The following FAM227A variants were observed in gnomAD, a reference collection of about 807,000 sequenced individuals.
The protein encoded by FAM227A is family with sequence similarity 227 member A, also known as protein FAM227A.
FAM227A carries 80 observed loss-of-function variants against 74.7 expected under a neutral mutation model. The observed-to-expected ratio is 1.07, with a 90% confidence interval of 0.89 to 1.29. The LOEUF is 1.29. Ranked by LOEUF, FAM227A falls within the 50% of genes most tolerant of loss-of-function variation. FAM227A has a pLI of 0.00. For missense variants in FAM227A, 654 were observed against 683.4 expected (o/e 0.96, Z 0.48); for synonymous variants, 237 against 241.8 (o/e 0.98, Z 0.19).
At chr22:38,631,610 T>G (rs1342618640) in intron 6 of FAM227A, among the ~76,000 whole-genome samples, 2 of 152,082 alleles carry the variant, frequency 1.3e-5, no homozygotes, top group Non-Finnish European at 2.9e-5. Context: ...GGAAAGCGTG[T>G]GCAGAGGCTA....
chr22:38,628,911 C>T lies in FAM227A; in HGVS notation c.544G>A (p.Glu182Lys), dbSNP rs377594597. The change falls in exon 7 of 17, where the codon GAG (glutamate) becomes AAG (lysine). Residue 182 changes from glutamate (E) to lysine (K), a missense_variant. Physicochemically the swap from Glu to Lys is moderately conservative, Grantham distance 56 (BLOSUM62 1). Transcript: ENST00000535113. ...GGAGAAGAAGAAGAGAGAAACTTCT[C>T]TAATTCTCTACCTGAACAGAAATGC... Reference protein sequence around the residue: ...GKHFCSGRELEKFLSSSSPRA... With the variant: ...GKHFCSGRELKKFLSSSSPRA... The T allele has an allele frequency of 3.9e-6, 6 of 1,538,352 alleles. No homozygotes were observed. Among genetic ancestry groups the T allele is most frequent in the African/African-American group, 1.4e-5 (1 of 72,390 alleles).
Position 38,621,925 on chromosome 22 carries a change from C to A in FAM227A, c.958+1247G>T, listed in dbSNP as rs554221458. Reference sequence around the variant, plus strand: ...TTGCCTTACCCCTCTGAATCCCCCCCACTGCAGTGCCCAATCCCCTGCAGG... The same window carrying A: ...TTGCCTTACCCCTCTGAATCCCCCCAACTGCAGTGCCCAATCCCCTGCAGG... On this transcript the variant is annotated intron_variant, in intron 10 of 16. Transcript: ENST00000535113. Among the ~76,000 whole-genome samples the A allele has an allele frequency of 5.5e-3, 840 of 152,268 alleles. 8 individuals carry two copies. The highest frequency in any genetic ancestry group is 6.6e-3 in the Non-Finnish European group (446 of 68,020).
rs189184789 is a variant in FAM227A, at chr22:38,645,422, A to G, written c.225+141T>C. The G allele has an allele frequency of 3.2e-3, 1,963 of 604,900 alleles. 4 individuals are homozygous for G. The highest frequency in any genetic ancestry group is 4.4e-3 in the Non-Finnish European group (1,518 of 344,788). 37.5% of individuals were successfully genotyped at this position (604,900 alleles called of 1,614,324 possible). ...AATAAAAAATGTTTATTAATTTTTA[A>G]AAAAATTAACTTTGAATACTCAATT... On this transcript the variant is annotated intron_variant, in intron 3 of 16. Transcript: ENST00000535113.
chr22:38,610,109 C>G (rs896420406), intron 11 of FAM227A, among the ~76,000 whole-genome samples: 1 of 151,138 alleles, frequency 6.6e-6, no homozygotes, highest in Non-Finnish European at 1.5e-5. Flanking sequence ...TGTCTTTACT[C>G]TGTCACCCAG....
At chr22:38,623,587 T>C (rs2091737400) in intron 9 of FAM227A, among the ~76,000 whole-genome samples, 1 of 152,186 alleles carries the variant, frequency 6.6e-6, no homozygotes, top group South Asian at 2.1e-4. Context: ...GGCTTCTTCA[T>C]CTGAAAAACG....
intron 11 of FAM227A, among the ~76,000 whole-genome samples, chr22:38,615,568 C>G (rs1278701555): frequency 6.6e-6 from 1 of 152,150 alleles, no homozygotes; most frequent in Admixed American, 6.5e-5. Context: ...AAGGCCCAAC[C>G]AGGCATAGAC....
At chr22:38,616,138 G>C (rs1053018200) in intron 11 of FAM227A, among the ~76,000 whole-genome samples, 1 of 152,218 alleles carries the variant, frequency 6.6e-6, no homozygotes, top group African/African-American at 2.4e-5. Context: ...AAGATGGAGA[G>C]GGGTCAGCCA....
At chr22:38,635,962 G>A (rs1363943163) in intron 6 of FAM227A, among the ~76,000 whole-genome samples, 1 of 151,438 alleles carries the variant, frequency 6.6e-6, no homozygotes, top group East Asian at 1.9e-4. Flanking sequence ...CTGCATTCCA[G>A]CCTGGGTACA....
At chr22:38,641,564 AAAAAC>A (rs1257719574) in intron 3 of FAM227A, among the ~76,000 whole-genome samples, 2 of 151,356 alleles carry the variant, frequency 1.3e-5, no homozygotes, top group East Asian at 1.9e-4. Flanking sequence ...AAAAAAAAAA[AAAAAC>A]AAAACAAAGA....
At chr22:38,626,891 A>AAAAAAAATAT (rs1555966996) in intron 8 of FAM227A, among the ~76,000 whole-genome samples, 7 of 57,684 alleles carry the variant, frequency 1.2e-4, no homozygotes, top group African/African-American at 5.2e-4. Context: ...AAAAAAAAAA[A>AAAAAAAATAT]ATATATATAT....
intron 11 of FAM227A, among the ~76,000 whole-genome samples, chr22:38,613,258 T>C (rs1256230754): frequency 4.2e-5 from 3 of 71,576 alleles, no homozygotes; most frequent in South Asian, 6.3e-4. Flanking sequence ...ATATAACATA[T>C]ATTATAACAT....
chr22:38,611,742 C>T, intron 11 of FAM227A, among the ~76,000 whole-genome samples: 1 of 152,174 alleles, frequency 6.6e-6, no homozygotes, highest in East Asian at 1.9e-4. Context: ...TCGTGCACTC[C>T]TAGTTCCCAT....
At chr22:38,641,596 C>G (rs997527386) in intron 3 of FAM227A, among the ~76,000 whole-genome samples, 9 of 151,014 alleles carry the variant, frequency 6.0e-5, no homozygotes, top group Non-Finnish European at 1.0e-4. Context: ...AACCTGCAGG[C>G]GAACTTGCCT....
chr22:38,632,440 A>G (rs775799220), intron 6 of FAM227A, among the ~76,000 whole-genome samples: 1 of 152,154 alleles, frequency 6.6e-6, no homozygotes, highest in Non-Finnish European at 1.5e-5. Context: ...CCTCTCTTCC[A>G]TCTTCTACCA....
intron 3 of FAM227A, among the ~76,000 whole-genome samples, chr22:38,641,258 C>T (rs1244171751): frequency 2.6e-5 from 4 of 152,174 alleles, no homozygotes; most frequent in Admixed American, 1.3e-4. Context: ...AGGAAGGCAA[C>T]TCCCAAACCG....
At chr22:38,588,332 AT>A (rs2090851867) in intron 16 of FAM227A, among the ~76,000 whole-genome samples, 1 of 152,096 alleles carries the variant, frequency 6.6e-6, no homozygotes, top group Non-Finnish European at 1.5e-5. Context: ...CTACAAAGAA[AT>A]TTTAGCCAGG....
rs34383650 is a variant in FAM227A at position 38,654,775 on chromosome 22, CAA to C, written c.-95+1343_-95+1344del. ...GAAACCCCATCTCTACTAAAAATAC[CAA>C]AAAAAAAAAAAAAAAAAAAAATTAG... On this transcript the variant is annotated intron_variant, in intron 1 of 16. Transcript: ENST00000535113. Among the ~76,000 whole-genome samples, 432 of 84,936 alleles carry C rather than the reference CAA, an allele frequency of 5.1e-3. 2 individuals carry two copies. The highest frequency in any genetic ancestry group is 0.017 in the African/African-American group (365 of 21,792). 55.7% of individuals were successfully genotyped at this position (84,936 alleles called of 152,430 possible). A position where few individuals can be genotyped will look rare whatever the true frequency, so the allele number is the denominator to read the frequency against.
chr22:38,613,093 TATTATATATA>T (rs2091456741), intron 11 of FAM227A, among the ~76,000 whole-genome samples: 1 of 96,074 alleles, frequency 1.0e-5, no homozygotes, highest in South Asian at 2.5e-4. Context: ...TATATATATA[TATTATATATA>T]ATTATATATA....
chr22:38,620,272 A>C lies in FAM227A; in HGVS notation c.978T>G (p.Phe326Leu), dbSNP rs1018971362. ...TCTGGGAGAAGGCTCTCTTACCAGC[A>C]AACAAAGAAAACTCTCTCCCTATAG... is the stretch of plus-strand genomic sequence containing the variant. ...RLTKGREFSL[F>L]AGKRAFSQKP... Residue 326 changes from phenylalanine (F) to leucine (L), a missense_variant, in exon 11 of 17, where the codon TTT becomes TTG. Transcript: ENST00000535113. The C allele has an allele frequency of 1.4e-5, 22 of 1,551,000 alleles. No individual in the cohort carries two copies. Among genetic ancestry groups the C allele is most frequent in the East Asian group, 2.4e-5 (1 of 40,922 alleles).
Sources: gnomAD v4.1 joint callset for allele counts (sites outside exome capture counted in the v4.1 genomes callset) on GRCh38, gnomAD v4.1.1 for gene constraint, MANE v1.5 for transcripts, NCBI Gene and HGNC (gene_info 2026-07-23, HGNC 2026-07-21) for gene names.